Variants in CAMK1D observed in about 807,000 individuals in gnomAD.
The protein encoded by CAMK1D is calcium/calmodulin dependent protein kinase ID.
Under a neutral mutation model 47.7 loss-of-function variants are expected in CAMK1D, and 9 were observed. The observed-to-expected ratio is 0.19, with a 90% CI of 0.11 to 0.33. CAMK1D has a LOEUF of 0.33. CAMK1D is among the 10% of genes least tolerant of loss of function. CAMK1D has a pLI of 1.00. For missense variants in CAMK1D, 291 were observed against 488.7 expected, an observed-to-expected ratio of 0.60 and a Z score of 3.81; for synonymous variants, 184 against 184.9, an observed-to-expected ratio of 0.99 and a Z score of 0.04.
intron 1 of CAMK1D, among the ~76,000 whole-genome samples, chr10:12,489,218 G>A (rs1178133992): frequency 4.6e-5 from 7 of 152,182 alleles, no homozygotes; most frequent in Non-Finnish European, 7.3e-5. Context: ...GATTACAGGC[G>A]TGAGCCACTG....
At chr10:12,814,987 GTA>G (rs1424698909) in intron 7 of CAMK1D, among the ~76,000 whole-genome samples, 2 of 152,230 alleles carry the variant, frequency 1.3e-5, no homozygotes, top group East Asian at 3.8e-4. Flanking sequence ...AGTGCTGACT[GTA>G]TGCTGAGCAC....
At chr10:12,592,537 C>T (rs892190500) in intron 2 of CAMK1D, among the ~76,000 whole-genome samples, 3 of 152,142 alleles carry the variant, frequency 2.0e-5, no homozygotes, top group Admixed American at 2.0e-4. Flanking sequence ...CCCCAAGTGT[C>T]TGTCAGCCCA....
Position 12,606,175 on chromosome 10 carries a change from G to T in CAMK1D, c.224+52819G>T, listed in dbSNP as rs189124861. Among the ~76,000 whole-genome samples the T allele has an allele frequency of 1.5e-4, 22 of 146,582 alleles. No individual in the cohort carries two copies. The South Asian group carries it at 2.6e-3, about 17-fold the overall frequency. On this transcript the variant is annotated intron_variant, in intron 2 of 10. Coordinates refer to ENST00000619168, the MANE Select transcript of CAMK1D (RefSeq NM_153498.4). ...CGCAGGTGCCGTCATCCTCCTGTGA[G>T]CCGCGGCTGCTCAGGGACCACAGGG...
intron 1 of CAMK1D, among the ~76,000 whole-genome samples, chr10:12,445,629 C>G (rs1364020917): frequency 6.6e-6 from 1 of 152,240 alleles, no homozygotes; most frequent in Non-Finnish European, 1.5e-5. Flanking sequence ...TCCCCACCCA[C>G]TGACTTGCCT....
At chr10:12,633,130 G>A (rs1353973985) in intron 2 of CAMK1D, among the ~76,000 whole-genome samples, 2 of 152,214 alleles carry the variant, frequency 1.3e-5, no homozygotes, top group Non-Finnish European at 2.9e-5. Context: ...GGAGCTGAGC[G>A]TGGCGGAGAA....
chr10:12,530,302 A>G (rs1026220975), intron 1 of CAMK1D, among the ~76,000 whole-genome samples: 1 of 152,226 alleles, frequency 6.6e-6, no homozygotes, highest in Non-Finnish European at 1.5e-5. Context: ...TCAGATGGAC[A>G]TGAATATCTT....
At chr10:12,430,950 A>G (rs972669798) in intron 1 of CAMK1D, among the ~76,000 whole-genome samples, 1 of 152,182 alleles carries the variant, frequency 6.6e-6, no homozygotes, top group African/African-American at 2.4e-5. Context: ...GGATTTCGCC[A>G]TGCTGGCCAG....
chr10:12,610,040 G>A (rs781000617), intron 2 of CAMK1D, among the ~76,000 whole-genome samples: 5 of 152,146 alleles, frequency 3.3e-5, no homozygotes, highest in East Asian at 1.9e-4. Context: ...GTTTAACAAC[G>A]GGCTCTTGGG....
chr10:12,510,190 G>A (rs1433770411), intron 1 of CAMK1D, among the ~76,000 whole-genome samples: 4 of 152,220 alleles, frequency 2.6e-5, no homozygotes, highest in East Asian at 1.9e-4. Context: ...TAAGGCAGGC[G>A]GATCATTTGA....
chr10:12,627,687 TCA>T (rs1839261395), intron 2 of CAMK1D, among the ~76,000 whole-genome samples: 1 of 152,220 alleles, frequency 6.6e-6, no homozygotes, highest in Admixed American at 6.5e-5. Context: ...TTTTTGAGCT[TCA>T]TTCATGCTGT....
chr10:12,758,922 A>G (rs1836361609), intron 3 of CAMK1D, among the ~76,000 whole-genome samples: 1 of 152,230 alleles, frequency 6.6e-6, no homozygotes, highest in Non-Finnish European at 1.5e-5. Flanking sequence ...AAGGGGGCCT[A>G]TGTGGAAGGG....
intron 2 of CAMK1D, among the ~76,000 whole-genome samples, chr10:12,583,601 T>TA (rs1837725781): frequency 1.5e-5 from 2 of 134,960 alleles, no homozygotes; most frequent in South Asian, 2.4e-4. Context: ...GTTGTTGTTG[T>TA]TTTATTTTTT....
At chr10:12,554,311 A>G (rs1836691514) in intron 2 of CAMK1D, among the ~76,000 whole-genome samples, 1 of 110,974 alleles carries the variant, frequency 9.0e-6, no homozygotes, top group African/African-American at 2.8e-5. Flanking sequence ...ATCTGCCATC[A>G]TGCCCAGCTA....
chr10:12,792,523 T>C (rs1838019791), intron 6 of CAMK1D, among the ~76,000 whole-genome samples: 1 of 152,204 alleles, frequency 6.6e-6, no homozygotes, highest in African/African-American at 2.4e-5. Flanking sequence ...GGGATGGTGA[T>C]TGGAGAAAGT....
At chr10:12,816,445 A>C in intron 8 of CAMK1D, 117 bp downstream of exon 8, 18 of 811,650 alleles carry the variant, frequency 2.2e-5, no homozygotes, top group East Asian at 5.4e-5. Context: ...TACAAATTTC[A>C]TCTCATTCTG....
chr10:12,651,472 GCCT>G (rs1213297853), intron 2 of CAMK1D, among the ~76,000 whole-genome samples: 3 of 151,646 alleles, frequency 2.0e-5, no homozygotes, highest in African/African-American at 7.3e-5. Flanking sequence ...GTTCATTGCG[GCCT>G]CAACTTCCCA....
At chr10:12,532,031 G>A (rs1432853437) in intron 1 of CAMK1D, among the ~76,000 whole-genome samples, 2 of 152,218 alleles carry the variant, frequency 1.3e-5, no homozygotes, top group Admixed American at 1.3e-4. Flanking sequence ...ATACTGCACA[G>A]GGGAGAGCTT....
At chr10:12,770,810 C>T (rs571618469) in intron 5 of CAMK1D, among the ~76,000 whole-genome samples, 102 of 151,652 alleles carry the variant, frequency 6.7e-4, no homozygotes, top group Non-Finnish European at 9.0e-4. Context: ...CCAGTTTGTG[C>T]GAAAGCCTGA....
intron 4 of CAMK1D, among the ~76,000 whole-genome samples, chr10:12,764,302 A>C (rs1294290254): frequency 1.4e-5 from 2 of 142,464 alleles, no homozygotes; most frequent in African/African-American, 5.1e-5. Context: ...AATCGCTTTA[A>C]CTGGGGAGGC....
Sources: allele counts gnomAD v4.1 joint callset (sites outside exome capture counted in the v4.1 genomes callset), GRCh38; gene constraint gnomAD v4.1.1; transcripts MANE v1.5; gene names NCBI Gene and HGNC (gene_info 2026-07-23, HGNC 2026-07-21).